CSMD1: variants seen among roughly 807,000 people sequenced by gnomAD.
CSMD1 encodes the protein CUB and sushi domain-containing protein 1.
In CSMD1, 213 loss-of-function variants were observed where a neutral mutation model predicts 417.5. The observed-to-expected ratio is 0.51, with a 90% CI of 0.46 to 0.57. The LOEUF (loss-of-function observed/expected upper bound fraction) is 0.57, where lower values mean the gene tolerates loss of function less well. Ranked by LOEUF, CSMD1 falls within the 20% of genes least tolerant of loss-of-function variation. The probability of loss-of-function intolerance (pLI) is 0.00; values close to 1 mark genes in which losing one functional copy is unlikely to be tolerated. For synonymous variants in CSMD1, 2,862 were observed against 1,736.8 expected, an observed-to-expected ratio of 1.65 and a Z score of -16.11; for missense variants, 6,923 against 4,529.7, an observed-to-expected ratio of 1.53 and a Z score of -15.17.
chr8:3,944,873 C>T (rs1311906952), intron 5 of CSMD1, among the ~76,000 whole-genome samples: 2 of 152,106 alleles, frequency 1.3e-5, no homozygotes, highest in African/African-American at 2.4e-5. Flanking sequence ...ACAGTTGATT[C>T]TGGGTTGTGT....
intron 10 of CSMD1, among the ~76,000 whole-genome samples, chr8:3,565,431 T>G (rs1799664220): frequency 6.6e-6 from 1 of 152,204 alleles, no homozygotes; most frequent in Non-Finnish European, 1.5e-5. Flanking sequence ...GTCTAATCTC[T>G]ACTTCTCCAC....
At chr8:3,103,068 G>T (rs1815874979) in intron 46 of CSMD1, among the ~76,000 whole-genome samples, 1 of 152,270 alleles carries the variant, frequency 6.6e-6, no homozygotes, top group Non-Finnish European at 1.5e-5. Flanking sequence ...AACTTACTGA[G>T]GCTCCAGAGG....
rs371231452 is a variant in CSMD1 at position 4,212,673 on chromosome 8, G to A, written c.416-180574C>T. On this transcript the variant is annotated intron_variant, in intron 3 of 69. Transcript: ENST00000635120. ...TAAAGTACAATTTTTAAAAATCTAA[G>A]AACAGAAATAATTAGTTATATGTAA... 2.1e-4 allele frequency among the ~76,000 whole-genome samples: 30 copies of A among 146,124 alleles called. No homozygotes were observed. The South Asian group carries it at 6.4e-3, about 31-fold the overall frequency.
intron 5 of CSMD1, among the ~76,000 whole-genome samples, chr8:3,891,528 C>G (rs758785755): frequency 6.6e-6 from 1 of 151,416 alleles, no homozygotes; most frequent in Non-Finnish European, 1.5e-5. Flanking sequence ...CACACACACA[C>G]AAAAAAAAGC....
intron 1 of CSMD1, among the ~76,000 whole-genome samples, chr8:4,653,272 G>A (rs1482190160): frequency 1.3e-5 from 2 of 152,104 alleles, no homozygotes; most frequent in African/African-American, 2.4e-5. Flanking sequence ...TGGATCCACA[G>A]ACTCCCAAGT....
At chr8:4,053,357 T>A (rs1798531720) in intron 3 of CSMD1, among the ~76,000 whole-genome samples, 2 of 151,972 alleles carry the variant, frequency 1.3e-5, no homozygotes, top group African/African-American at 4.8e-5. Context: ...TTACTATTAT[T>A]CTAAATTCTC....
intron 18 of CSMD1, chr8:3,373,490 T>C (rs2116729058): frequency 1.3e-5 from 2 of 152,346 alleles, no homozygotes; most frequent in Admixed American, 1.3e-4. Flanking sequence ...ATAATATTTT[T>C]CAGGAGAAGG....
At chr8:3,497,821 T>C (rs1375980061) in intron 10 of CSMD1, among the ~76,000 whole-genome samples, 3 of 152,248 alleles carry the variant, frequency 2.0e-5, no homozygotes, top group Admixed American at 6.5e-5. Flanking sequence ...TGGTTATTTT[T>C]GTGGTTTGGT....
intron 7 of CSMD1, among the ~76,000 whole-genome samples, chr8:3,658,178 C>G (rs780047046): frequency 1.3e-5 from 2 of 151,996 alleles, no homozygotes; most frequent in Non-Finnish European, 2.9e-5. Context: ...CCAGAAGATA[C>G]AATTTTCTAT....
At chr8:3,599,271 C>A (rs555762684) in intron 8 of CSMD1, among the ~76,000 whole-genome samples, 1 of 152,092 alleles carries the variant, frequency 6.6e-6, no homozygotes, top group East Asian at 1.9e-4. Context: ...GTATCCACCT[C>A]CTCATGTGGC....
chr8:4,799,376 T>C (rs570641896), intron 1 of CSMD1, among the ~76,000 whole-genome samples: 1 of 151,874 alleles, frequency 6.6e-6, no homozygotes, highest in Non-Finnish European at 1.5e-5. Flanking sequence ...CTAGATCATA[T>C]AAGTGTTTTA....
At chr8:3,447,789 G>A (rs1169530068) in intron 12 of CSMD1, among the ~76,000 whole-genome samples, 3 of 152,180 alleles carry the variant, frequency 2.0e-5, no homozygotes, top group Non-Finnish European at 2.9e-5. Context: ...AGTGGATGGA[G>A]GGTGCAGAAT....
intron 5 of CSMD1, among the ~76,000 whole-genome samples, chr8:3,844,759 C>G (rs967636863): frequency 2.0e-5 from 3 of 152,122 alleles, no homozygotes; most frequent in African/African-American, 4.8e-5. Flanking sequence ...CATGTGACCT[C>G]AGAACTTATG....
intron 12 of CSMD1, among the ~76,000 whole-genome samples, chr8:3,437,287 G>A (rs1287026247): frequency 6.6e-6 from 1 of 152,156 alleles, no homozygotes; most frequent in African/African-American, 2.4e-5. Flanking sequence ...CCAAATGACG[G>A]AGCGGCTCTC....
At chr8:3,902,431 G>T (rs928239026) in intron 5 of CSMD1, among the ~76,000 whole-genome samples, 1 of 151,930 alleles carries the variant, frequency 6.6e-6, no homozygotes, top group African/African-American at 2.4e-5. Flanking sequence ...TTTGCTACCA[G>T]GGACCAATTT....
At chr8:4,776,698 C>T (rs996108444) in intron 1 of CSMD1, among the ~76,000 whole-genome samples, 17 of 152,200 alleles carry the variant, frequency 1.1e-4, no homozygotes, top group Admixed American at 9.8e-4. Flanking sequence ...AACCAGAACA[C>T]TGGCTTGATT....
chr8:3,671,121 G>A (rs565130314), intron 7 of CSMD1, among the ~76,000 whole-genome samples: 1 of 145,766 alleles, frequency 6.9e-6, no homozygotes, highest in Non-Finnish European at 1.5e-5. Flanking sequence ...ATGTATATGG[G>A]ATATATATGT....
At chr8:3,197,249 G>C (rs202027104) in intron 33 of CSMD1, among the ~76,000 whole-genome samples, 1 of 151,570 alleles carries the variant, frequency 6.6e-6, no homozygotes, top group Admixed American at 6.6e-5. Flanking sequence ...ACGTTTTTTT[G>C]CACACTGATG....
At position 3,939,747 on chromosome 8, in the gene CSMD1, C is replaced by T. The variant is rs75241376; in HGVS notation, c.818+58156G>A. ...TTGGATGAACCTGGAGACCATTAGT[C>T]TAAGTGCAGTCACTCAGAAATGGAA... On this transcript the variant is annotated intron_variant, in intron 5 of 69. Transcript: ENST00000635120. Among the ~76,000 whole-genome samples, 936 of 152,204 alleles carry T rather than the reference C, an allele frequency of 6.1e-3. 27 individuals carry two copies. In the East Asian group the frequency reaches 0.066, roughly 11 times the overall value.
Sources: gnomAD v4.1 joint callset for allele counts (sites outside exome capture counted in the v4.1 genomes callset) on GRCh38, gnomAD v4.1.1 for gene constraint, MANE v1.5 for transcripts, NCBI Gene and HGNC (gene_info 2026-07-23, HGNC 2026-07-21) for gene names.